PLCH1: variants seen among roughly 807,000 people sequenced by gnomAD.
The protein encoded by PLCH1 is 1-phosphatidylinositol 4,5-bisphosphate phosphodiesterase eta-1.
In PLCH1, 60 loss-of-function variants were observed where a neutral mutation model predicts 126.7. The observed-to-expected ratio is 0.47, with a 90% CI of 0.38 to 0.59. PLCH1 has a LOEUF of 0.59. Among genes scored for constraint, PLCH1 ranks in the 20% least tolerant of loss-of-function variants. The pLI, the probability that PLCH1 is intolerant of heterozygous loss-of-function variation, is 0.00. For synonymous variants in PLCH1, 719 were observed against 734.9 expected, an observed-to-expected ratio of 0.98 and a Z score of 0.35; for missense variants, 1,723 against 2,040.0, an observed-to-expected ratio of 0.84 and a Z score of 2.99.
intron 12 of PLCH1, among the ~76,000 whole-genome samples, chr3:155,513,287 G>T (rs895134273): frequency 5.9e-5 from 9 of 152,288 alleles, no homozygotes; most frequent in Non-Finnish European, 1.2e-4. Context: ...AAGTAAAAAG[G>T]AGATGAGTTT....
At chr3:155,683,795 CT>C (rs1744716414) in intron 2 of PLCH1, among the ~76,000 whole-genome samples, 2 of 152,174 alleles carry the variant, frequency 1.3e-5, no homozygotes, top group South Asian at 4.1e-4. Context: ...TAATTAAATT[CT>C]CAAAACTTAC....
At chr3:155,690,823 T>C (rs1405181753) in intron 2 of PLCH1, among the ~76,000 whole-genome samples, 2 of 152,204 alleles carry the variant, frequency 1.3e-5, no homozygotes, top group Admixed American at 6.5e-5. Context: ...CCTAAAGCAA[T>C]GCTGCTCATA....
intron 2 of PLCH1, among the ~76,000 whole-genome samples, chr3:155,694,464 C>T (rs1354104795): frequency 1.3e-5 from 2 of 152,132 alleles, no homozygotes; most frequent in African/African-American, 4.8e-5. Flanking sequence ...AACACAATAC[C>T]GTGAAATTCT....
chr3:155,703,869 G>A (rs1388407984), intron 2 of PLCH1, among the ~76,000 whole-genome samples: 1 of 152,200 alleles, frequency 6.6e-6, no homozygotes, highest in Non-Finnish European at 1.5e-5. Flanking sequence ...TATTACTGGA[G>A]TTGACAGTGT....
intron 1 of PLCH1, among the ~76,000 whole-genome samples, chr3:155,736,594 C>T (rs1749192567): frequency 6.6e-6 from 1 of 152,202 alleles, no homozygotes. Flanking sequence ...TCCCCTGAGC[C>T]AGGTTGCAGC....
intron 14 of PLCH1, among the ~76,000 whole-genome samples, chr3:155,499,036 T>C (rs909948026): frequency 6.6e-6 from 1 of 152,198 alleles, no homozygotes; most frequent in African/African-American, 2.4e-5. Flanking sequence ...GCAGAGGAGA[T>C]GTATGTGGTC....
chr3:155,562,178 T>G (rs887981062), intron 8 of PLCH1, among the ~76,000 whole-genome samples: 4 of 152,194 alleles, frequency 2.6e-5, no homozygotes, highest in African/African-American at 9.7e-5. Context: ...TAGCCATCTA[T>G]TTAATCCCTT....
chr3:155,685,849 G>C (rs754188077), intron 2 of PLCH1, among the ~76,000 whole-genome samples: 1 of 152,184 alleles, frequency 6.6e-6, no homozygotes, highest in East Asian at 1.9e-4. Context: ...ACCAAGCACA[G>C]GGCCCTTCTA....
chr3:155,539,314 A>C (rs1473646667), intron 10 of PLCH1, among the ~76,000 whole-genome samples: 2 of 152,208 alleles, frequency 1.3e-5, no homozygotes, highest in Non-Finnish European at 2.9e-5. Context: ...AACAGGGAAA[A>C]GCTGAAAGCA....
rs376052400 is a variant in PLCH1, at chr3:155,722,310, G to A, written c.-40-18046C>T. ...TCCTGAGTAGCTGGGATTAAGGCAC[G>A]CACCACCACGCCCAGCTAATTTTGT... On this transcript the variant is annotated intron_variant, in intron 1 of 22. Transcript: ENST00000460012. Among the ~76,000 whole-genome samples, 50 of 151,976 alleles carry A rather than the reference G, an allele frequency of 3.3e-4. No individual in the cohort carries two copies. In the South Asian group the frequency reaches 6.3e-3, roughly 19 times the overall value.
chr3:155,593,853 A>T, intron 4 of PLCH1, 88 bp downstream of exon 4: 1 of 1,343,246 alleles, frequency 7.4e-7, no homozygotes, highest in South Asian at 1.4e-5. Flanking sequence ...GGAAAAATTA[A>T]AACATAGTCT....
chr3:155,590,495 G>A lies in PLCH1; in HGVS notation c.470+3446C>T, dbSNP rs183741849. On this transcript the variant is annotated intron_variant, in intron 4 of 22. Coordinates refer to ENST00000460012, the MANE Select transcript of PLCH1 (RefSeq NM_014996.4). ...CGGGAGGCTGAGGCAGGAGAATGGC[G>A]TAAACAGATGAGGTGGAGCTTGCAG... 2.5e-4 allele frequency among the ~76,000 whole-genome samples: 38 copies of A among 150,986 alleles called. No homozygotes were observed. The East Asian group carries it at 3.7e-3, about 15-fold the overall frequency.
Position 155,596,356 on chromosome 3 carries a change from C to T in PLCH1, c.102G>A (p.Met34Ile), listed in dbSNP as rs760652400. ...GCTTGATCATCTGTGTCCCGGACTG[C>T]ATCACACTCATGCATCTTTCAACTG... ...VFHVERCMSV[M>I]QSGTQMIKLK... is the part of the protein sequence containing the mutation. Residue 34 changes from methionine (M) to isoleucine (I), a missense_variant, in exon 3 of 23, where the codon ATG becomes ATA. Coordinates refer to ENST00000460012, the MANE Select transcript of PLCH1 (RefSeq NM_014996.4). 1.2e-6 allele frequency: 2 copies of T among 1,612,768 alleles called. No homozygotes were observed. The highest frequency in any genetic ancestry group is 1.7e-6 in the Non-Finnish European group (2 of 1,179,352).
intron 10 of PLCH1, among the ~76,000 whole-genome samples, chr3:155,537,201 C>CAAAAAAAAAAAAAA (rs1560128167): frequency 4.5e-5 from 6 of 132,106 alleles, no homozygotes; most frequent in African/African-American, 1.5e-4. Flanking sequence ...AAAAAAAAAA[C>CAAAAAAAAAAAAAA]CAAAAAAAAA....
chr3:155,516,927 G>A (rs754872171), intron 11 of PLCH1, among the ~76,000 whole-genome samples: 12 of 152,052 alleles, frequency 7.9e-5, no homozygotes, highest in East Asian at 5.8e-4. Flanking sequence ...CAGAGGAGGC[G>A]CAACTTGTCC....
At chr3:155,470,466 T>A (rs1408986953) in intron 21 of PLCH1, among the ~76,000 whole-genome samples, 3 of 152,082 alleles carry the variant, frequency 2.0e-5, no homozygotes, top group Non-Finnish European at 2.9e-5. Context: ...TACCTGAAAG[T>A]GATGGGGAGA....
chr3:155,714,278 G>A (rs1747350716), intron 1 of PLCH1, among the ~76,000 whole-genome samples: 1 of 151,258 alleles, frequency 6.6e-6, no homozygotes, highest in South Asian at 2.1e-4. Flanking sequence ...ATTACACAGG[G>A]CAGGGATGGG....
At chr3:155,678,347 CA>C (rs1231533578) in intron 2 of PLCH1, among the ~76,000 whole-genome samples, 10 of 152,272 alleles carry the variant, frequency 6.6e-5, no homozygotes, top group Non-Finnish European at 7.4e-5. Context: ...GCCACTTACC[CA>C]GGGGGAGCAC....
chr3:155,697,817 G>T (rs1034956159), intron 2 of PLCH1, among the ~76,000 whole-genome samples: 1 of 152,176 alleles, frequency 6.6e-6, no homozygotes, highest in African/African-American at 2.4e-5. Context: ...GGTAACAGAG[G>T]GAGCCAGGAT....
Sources: gnomAD v4.1 joint callset for allele counts (sites outside exome capture counted in the v4.1 genomes callset) on GRCh38, gnomAD v4.1.1 for gene constraint, MANE v1.5 for transcripts, NCBI Gene and HGNC (gene_info 2026-07-23, HGNC 2026-07-21) for gene names.